The following SGCD variants were observed in gnomAD, a reference collection of about 807,000 sequenced individuals.
The protein encoded by SGCD is delta-sarcoglycan.
In SGCD, 18 loss-of-function variants were observed where a neutral mutation model predicts 36.6. That is an observed-to-expected ratio of 0.49 (90% CI 0.34 to 0.73). The LOEUF (loss-of-function observed/expected upper bound fraction) is 0.73. SGCD is among the 30% of genes least tolerant of loss of function. SGCD has a pLI of 0.01. For missense variants in SGCD, 387 were observed against 346.7 expected (o/e 1.12, Z -0.92); for synonymous variants, 133 against 130.6 (o/e 1.02, Z -0.12).
At chr5:155,740,784 T>G in the SGCD span, among the ~76,000 whole-genome samples, 3 of 152,220 alleles carry the variant, frequency 2.0e-5, no homozygotes, top group Non-Finnish European at 4.4e-5. Context: ...GAGAAAAATA[T>G]TCATCCAGAA....
chr5:156,292,314 T>C (rs1447482104), intron 3 of SGCD, among the ~76,000 whole-genome samples: 19 of 152,152 alleles, frequency 1.2e-4, no homozygotes, highest in Non-Finnish European at 2.8e-4. Flanking sequence ...ACCATCATTC[T>C]ACTTTTTATC....
chr5:156,334,952 G>A (rs1580836109), intron 2 of SGCD, among the ~76,000 whole-genome samples: 1 of 152,280 alleles, frequency 6.6e-6, no homozygotes, highest in African/African-American at 2.4e-5. Flanking sequence ...CAGCCTGTGA[G>A]TAATGGAGAG....
chr5:155,976,625 G>A (rs956838959), intron 1 of SGCD, among the ~76,000 whole-genome samples: 4 of 152,184 alleles, frequency 2.6e-5, no homozygotes, highest in African/African-American at 9.7e-5. Context: ...CTGAGGCACA[G>A]GGAGAGCGTG....
At chr5:155,894,026 A>C (rs2113323242) in intron 1 of SGCD, among the ~76,000 whole-genome samples, 1 of 152,312 alleles carries the variant, frequency 6.6e-6, no homozygotes, top group South Asian at 2.1e-4. Flanking sequence ...TGTATAAGGC[A>C]CTTATCATGA....
chr5:156,096,344 A>G (rs1442552997), intron 1 of SGCD, among the ~76,000 whole-genome samples: 1 of 152,232 alleles, frequency 6.6e-6, no homozygotes, highest in Non-Finnish European at 1.5e-5. Context: ...ATGTGGTGGA[A>G]GGAAAGTGAC....
chr5:156,035,453 T>G (rs1759465952), intron 1 of SGCD, among the ~76,000 whole-genome samples: 1 of 151,340 alleles, frequency 6.6e-6, no homozygotes, highest in Admixed American at 6.6e-5. Flanking sequence ...AAAAGAAAAA[T>G]AAAAACATTA....
At chr5:156,577,682 T>C (rs936357230) in intron 4 of SGCD, among the ~76,000 whole-genome samples, 8 of 152,234 alleles carry the variant, frequency 5.3e-5, no homozygotes, top group Non-Finnish European at 2.9e-5. Flanking sequence ...GTAGCAATTG[T>C]GAATGGGAGT....
the SGCD span, among the ~76,000 whole-genome samples, chr5:155,751,379 G>A: frequency 2.6e-4 from 39 of 152,138 alleles, no homozygotes; most frequent in African/African-American, 6.5e-4. Context: ...GATTGTGTGC[G>A]TTTGTGGCAT....
the SGCD span, among the ~76,000 whole-genome samples, chr5:155,864,209 C>T: frequency 6.6e-6 from 1 of 152,036 alleles, no homozygotes; most frequent in East Asian, 1.9e-4. Flanking sequence ...AATCAGGTGG[C>T]CAAAGCAAAG....
At chr5:155,890,555 C>G (rs1170421221) in intron 1 of SGCD, among the ~76,000 whole-genome samples, 1 of 152,064 alleles carries the variant, frequency 6.6e-6, no homozygotes, top group Non-Finnish European at 1.5e-5. Flanking sequence ...CTGCAGTGAT[C>G]TGTGATCATG....
intron 7 of SGCD, among the ~76,000 whole-genome samples, chr5:156,701,075 T>A (rs1754512744): frequency 6.6e-6 from 1 of 152,180 alleles, no homozygotes. Context: ...ATACCATCCC[T>A]CTGCTGATGA....
At chr5:156,426,486 G>A (rs1773676405) in intron 3 of SGCD, among the ~76,000 whole-genome samples, 1 of 152,028 alleles carries the variant, frequency 6.6e-6, no homozygotes, top group African/African-American at 2.4e-5. Context: ...CGGATGCATT[G>A]TTTGCAGATA....
chr5:155,945,129 C>G (rs139391055), intron 1 of SGCD, among the ~76,000 whole-genome samples: 1 of 152,252 alleles, frequency 6.6e-6, no homozygotes, highest in East Asian at 1.9e-4. Context: ...TTAGAACTGT[C>G]TACAAATGAA....
intron 7 of SGCD, among the ~76,000 whole-genome samples, chr5:156,651,219 C>T (rs114675560): frequency 0.013 from 1,914 of 152,104 alleles, 20 homozygotes; most frequent in Middle Eastern, 0.051. Flanking sequence ...TTGTTGGGTG[C>T]ATAGTTTGAT....
chr5:156,068,104 A>G (rs974445197), intron 1 of SGCD, among the ~76,000 whole-genome samples: 1 of 146,912 alleles, frequency 6.8e-6, no homozygotes, highest in African/African-American at 2.6e-5. Flanking sequence ...TTATATTTTT[A>G]TTTTTATTTT....
intron 3 of SGCD, among the ~76,000 whole-genome samples, chr5:156,392,897 A>G (rs1472755): frequency 0.79 from 120,260 of 152,026 alleles, 48,346 homozygotes; most frequent in African/African-American, 0.93. Context: ...TGCTCCTCCC[A>G]ACATCCAGCC....
chr5:156,491,065 A>G (rs1352133554), intron 3 of SGCD, among the ~76,000 whole-genome samples: 1 of 152,092 alleles, frequency 6.6e-6, no homozygotes, highest in Non-Finnish European at 1.5e-5. Context: ...CTGAAAAAGA[A>G]ATGAAGCAGT....
chr5:156,104,544 AC>A lies in SGCD; in HGVS notation c.-281-13333del, dbSNP rs576789955. 3.4e-3 allele frequency among the ~76,000 whole-genome samples: 524 copies of A among 152,224 alleles called. 5 individuals carry two copies. The highest frequency in any genetic ancestry group is 0.012 in the African/African-American group (479 of 41,536). On this transcript the variant is annotated intron_variant, in intron 1 of 9. Coordinates refer to the SGCD transcript ENST00000517913. ...CTGGATTTAGGTCATTGGGGTACAT[AC>A]TAATCTGTGATTTCTGTGCTTTTTA... is the stretch of plus-strand genomic sequence containing the variant.
chr5:156,458,419 A>G, intron 3 of SGCD: 3 of 1,604,326 alleles, frequency 1.9e-6, no homozygotes, highest in Non-Finnish European at 2.6e-6. Flanking sequence ...TCGATGTAGT[A>G]GACACCAATC....
Sources: gnomAD v4.1 joint callset for allele counts (sites outside exome capture counted in the v4.1 genomes callset) on GRCh38, gnomAD v4.1.1 for gene constraint, MANE v1.5 for transcripts, NCBI Gene and HGNC (gene_info 2026-07-23, HGNC 2026-07-21) for gene names.